TLE4: variants seen among roughly 807,000 people sequenced by gnomAD.
TLE4 encodes the protein TLE family member 4, transcriptional corepressor, also known as transducin-like enhancer protein 4.
In TLE4, 8 loss-of-function variants were observed where a neutral mutation model predicts 92.8. That is an observed-to-expected ratio of 0.09 (90% CI 0.05 to 0.16). The LOEUF (loss-of-function observed/expected upper bound fraction) is 0.16, where lower values mean the gene tolerates loss of function less well. TLE4 is among the 10% of genes least tolerant of loss of function. TLE4 has a pLI of 1.00. For synonymous variants in TLE4, 371 were observed against 374.1 expected, an observed-to-expected ratio of 0.99 and a Z score of 0.10; for missense variants, 675 against 997.6, an observed-to-expected ratio of 0.68 and a Z score of 4.36.
chr9:79,708,471 CTT>C, intron 12 of TLE4, 120 bp from the exon 13 acceptor site: 2 of 1,163,460 alleles, frequency 1.7e-6, no homozygotes, highest in East Asian at 2.4e-5. Flanking sequence ...GCTTGAATGA[CTT>C]TTGAGAATAT....
chr9:79,673,909 C>G (rs1283631471), intron 8 of TLE4, among the ~76,000 whole-genome samples: 1 of 152,040 alleles, frequency 6.6e-6, no homozygotes, highest in Admixed American at 6.6e-5. Context: ...TCCATGCCTT[C>G]CTGGGGGGTG....
chr9:79,614,934 T>C (rs1018934983), intron 5 of TLE4, among the ~76,000 whole-genome samples: 4 of 152,196 alleles, frequency 2.6e-5, no homozygotes, highest in African/African-American at 9.7e-5. Flanking sequence ...ATCTATGCCA[T>C]GGTTTTCTAA....
chr9:79,573,659 C>G (rs759175045), intron 1 of TLE4, 30 bp from the exon 2 acceptor site: 3 of 1,553,524 alleles, frequency 1.9e-6, no homozygotes, highest in South Asian at 2.3e-5. Context: ...GTGATGTGGG[C>G]TAATTAAATA....
intron 8 of TLE4, among the ~76,000 whole-genome samples, chr9:79,659,683 A>G (rs1487927876): frequency 6.6e-6 from 1 of 152,200 alleles, no homozygotes; most frequent in East Asian, 1.9e-4. Context: ...TCCACAAAGC[A>G]GATTAAGACT....
chr9:79,620,161 CT>C (rs2133302568), intron 5 of TLE4, among the ~76,000 whole-genome samples: 1 of 152,306 alleles, frequency 6.6e-6, no homozygotes, highest in African/African-American at 2.4e-5. Context: ...ATTTATTTGA[CT>C]TTTAGTTAGG....
At chr9:79,705,970 G>A (rs201635127) in intron 10 of TLE4, 28 bp downstream of exon 10, 1 of 1,610,576 alleles carries the variant, frequency 6.2e-7, no homozygotes, top group African/African-American at 1.3e-5. Context: ...TTAATTTTTT[G>A]CACTTGCCCA....
intron 6 of TLE4, among the ~76,000 whole-genome samples, chr9:79,634,643 TAGTC>T (rs1354150728): frequency 6.6e-6 from 1 of 152,158 alleles, no homozygotes; most frequent in African/African-American, 2.4e-5. Context: ...TTACTCTTTG[TAGTC>T]AGTCATTTTT....
chr9:79,685,575 G>A (rs1229963900), intron 8 of TLE4, among the ~76,000 whole-genome samples: 2 of 152,138 alleles, frequency 1.3e-5, no homozygotes, highest in African/African-American at 4.8e-5. Flanking sequence ...ATTTAACAGT[G>A]TTCACCAGAA....
intron 4 of TLE4, among the ~76,000 whole-genome samples, chr9:79,606,317 T>C (rs2046939089): frequency 7.2e-6 from 1 of 138,410 alleles, no homozygotes; most frequent in Non-Finnish European, 1.5e-5. Context: ...TCTTTAAGCT[T>C]TATTCCAGTC....
At chr9:79,573,327 A>G in intron 1 of TLE4, 1 of 1,068,696 alleles carries the variant, frequency 9.4e-7, no homozygotes, top group South Asian at 3.2e-5. Context: ...CCGCAGCCCG[A>G]CGCCATGGCG....
chr9:79,680,292 T>C (rs1215055212), intron 8 of TLE4, among the ~76,000 whole-genome samples: 9 of 151,944 alleles, frequency 5.9e-5, no homozygotes, highest in Non-Finnish European at 7.4e-5. Flanking sequence ...TTTTATTTCA[T>C]TGAGCAGTGG....
intron 5 of TLE4, among the ~76,000 whole-genome samples, chr9:79,624,309 C>A (rs950071348): frequency 1.3e-5 from 2 of 151,856 alleles, no homozygotes. Context: ...TCTCACCTTC[C>A]CTGGTGGGTG....
At chr9:79,714,578 C>G (rs1356474738) in intron 14 of TLE4, among the ~76,000 whole-genome samples, 1 of 152,204 alleles carries the variant, frequency 6.6e-6, no homozygotes, top group Non-Finnish European at 1.5e-5. Context: ...AAAAACCCAT[C>G]TCTATTACCA....
At chr9:79,705,804 A>G in intron 9 of TLE4, 85 bp from the exon 10 acceptor site, 1 of 1,286,916 alleles carries the variant, frequency 7.8e-7, no homozygotes, top group Non-Finnish European at 1.1e-6. Flanking sequence ...TTTATAAGAT[A>G]TGAGGAATTA....
At chr9:79,602,670 A>C (rs1587943220) in intron 4 of TLE4, among the ~76,000 whole-genome samples, 1 of 152,208 alleles carries the variant, frequency 6.6e-6, no homozygotes, top group South Asian at 2.1e-4. Flanking sequence ...TAGTCACCCA[A>C]GAGCTCTGAT....
intron 8 of TLE4, among the ~76,000 whole-genome samples, chr9:79,700,115 T>C (rs2069383317): frequency 6.6e-6 from 1 of 152,168 alleles, no homozygotes; most frequent in African/African-American, 2.4e-5. Context: ...GACTGCGCGT[T>C]GTACTTTATG....
rs1182490769 is a variant in TLE4 at position 79,718,780 on chromosome 9, G to A, written c.1399G>A (p.Asp467Asn). 3.1e-6 allele frequency: 5 copies of A among 1,613,854 alleles called. No homozygotes were observed. The highest frequency in any genetic ancestry group is 3.4e-6 in the Non-Finnish European group (4 of 1,180,020). Residue 467 changes from aspartate (D) to asparagine (N), a missense_variant, in exon 15 of 20, where the codon GAC becomes AAC. Asp to Asn is a conservative substitution (Grantham distance 23). This residue lies in a region of TLE4 where 119 missense variants were observed against 175.9 expected (regional missense o/e 0.68). Coordinates refer to ENST00000376552, the MANE Select transcript of TLE4 (RefSeq NM_007005.6). Reference sequence around the variant, plus strand: ...GATGCAGCCTGTCCCTTTTCCACCCGACGCCCTCATCGGACCTGGAATCCC... The same window carrying A: ...GATGCAGCCTGTCCCTTTTCCACCCAACGCCCTCATCGGACCTGGAATCCC... ...GQMQPVPFPP[D>N]ALIGPGIPRH...
chr9:79,604,135 G>A (rs900742556), intron 4 of TLE4, among the ~76,000 whole-genome samples: 3 of 152,128 alleles, frequency 2.0e-5, no homozygotes, highest in Non-Finnish European at 4.4e-5. Flanking sequence ...GAGTAATTGA[G>A]GATGGTAAGT....
chr9:79,692,118 A>G (rs913326122), intron 8 of TLE4, among the ~76,000 whole-genome samples: 1 of 152,112 alleles, frequency 6.6e-6, no homozygotes, highest in Non-Finnish European at 1.5e-5. Flanking sequence ...ACTTTAGAGC[A>G]CTTTAGAATT....
Sources: allele counts gnomAD v4.1 joint callset (sites outside exome capture counted in the v4.1 genomes callset), GRCh38; gene constraint gnomAD v4.1.1; regional missense constraint gnomAD v4.1.1; transcripts MANE v1.5; gene names NCBI Gene and HGNC (gene_info 2026-07-23, HGNC 2026-07-21).